The following STPG2 variants were observed in gnomAD, a reference collection of about 807,000 sequenced individuals.
STPG2 encodes sperm tail PG-rich repeat containing 2, also known as sperm-tail PG-rich repeat-containing protein 2.
In STPG2, 56 loss-of-function variants were observed where a neutral mutation model predicts 54.2. That is an observed-to-expected ratio of 1.03 (90% confidence interval 0.83 to 1.29). STPG2 has a LOEUF of 1.29. Among genes scored for constraint, STPG2 ranks in the 50% most tolerant of loss-of-function variants. The probability of loss-of-function intolerance (pLI) is 0.00; values close to 1 mark genes in which losing one functional copy is unlikely to be tolerated. For synonymous variants in STPG2, 200 were observed against 181.8 expected, an observed-to-expected ratio of 1.10 and a Z score of -0.81; for missense variants, 596 against 544.9, an observed-to-expected ratio of 1.09 and a Z score of -0.93.
At chr4:97,551,569 C>G (rs1307512381) in intron 4 of STPG2, among the ~76,000 whole-genome samples, 2 of 152,178 alleles carry the variant, frequency 1.3e-5, no homozygotes, top group African/African-American at 4.8e-5. Flanking sequence ...TACTTCTCAT[C>G]AACATCATCT....
At chr4:97,639,227 C>T (rs1367158616) in intron 10 of STPG2, among the ~76,000 whole-genome samples, 2 of 151,860 alleles carry the variant, frequency 1.3e-5, no homozygotes, top group African/African-American at 4.8e-5. Flanking sequence ...TCATCATTCT[C>T]AGTAAACTAT....
intron 10 of STPG2, among the ~76,000 whole-genome samples, chr4:97,675,607 C>G (rs987269052): frequency 2.0e-5 from 3 of 151,966 alleles, no homozygotes; most frequent in African/African-American, 7.3e-5. Context: ...TAAGAGAAGG[C>G]TCTCCAGCTG....
chr4:97,498,162 A>G (rs1465636286), intron 4 of STPG2, among the ~76,000 whole-genome samples: 2 of 152,002 alleles, frequency 1.3e-5, no homozygotes, highest in South Asian at 2.1e-4. Context: ...TCTAGTCCCC[A>G]TGAGTCCACT....
chr4:97,523,530 A>C (rs1731223363), intron 4 of STPG2, among the ~76,000 whole-genome samples: 1 of 151,976 alleles, frequency 6.6e-6, no homozygotes, highest in African/African-American at 2.4e-5. Context: ...GTGATTAAAC[A>C]GTTAAAAATT....
At chr4:97,601,999 G>GTTTATTTTA (rs1436086005) in intron 10 of STPG2, among the ~76,000 whole-genome samples, 1 of 151,360 alleles carries the variant, frequency 6.6e-6, no homozygotes, top group African/African-American at 2.4e-5. Context: ...CCCATATTTT[G>GTTTATTTTA]TTGCTATTTA....
intron 7 of STPG2, among the ~76,000 whole-genome samples, chr4:97,945,601 G>A (rs115709165): frequency 0.014 from 2,125 of 151,952 alleles, 19 homozygotes; most frequent in Non-Finnish European, 0.021. Context: ...AGATCAAATC[G>A]TAGATCTATT....
Position 97,654,620 on chromosome 4 carries a change from T to A in STPG2, c.1320+58079A>T, listed in dbSNP as rs570760935. ...CATTTATTTTGTTTATTATTAGTTATCTTCACTAGAACATATGCCACATAA... is the reference window on the plus strand; with the variant it reads ...CATTTATTTTGTTTATTATTAGTTAACTTCACTAGAACATATGCCACATAA... On this transcript the variant is annotated intron_variant, in intron 10 of 10. Coordinates refer to ENST00000295268, the MANE Select transcript of STPG2 (RefSeq NM_174952.3). Among the ~76,000 whole-genome samples the A allele has an allele frequency of 2.0e-5, 3 of 152,254 alleles. No homozygotes were observed. The South Asian group carries it at 6.2e-4, about 32-fold the overall frequency.
At chr4:97,702,933 T>C (rs962374262) in intron 10 of STPG2, among the ~76,000 whole-genome samples, 1 of 152,118 alleles carries the variant, frequency 6.6e-6, no homozygotes, top group Non-Finnish European at 1.5e-5. Flanking sequence ...GAGGTAAGAC[T>C]CTGACTCAGG....
chr4:97,928,682 C>T (rs1316613173), intron 8 of STPG2, among the ~76,000 whole-genome samples: 1 of 151,848 alleles, frequency 6.6e-6, no homozygotes, highest in Non-Finnish European at 1.5e-5. Context: ...TGTACCATTA[C>T]AAGTTTAATA....
rs1338291108 is a variant in STPG2 at position 97,653,390 on chromosome 4, A to T, written c.1320+59309T>A. On this transcript the variant is annotated intron_variant, in intron 10 of 10. Coordinates refer to ENST00000295268, the MANE Select transcript of STPG2 (RefSeq NM_174952.3). ...AACAAATAGCTATCAATATGGAAGA[A>T]AAAAAAAAACCTTGAAACTCTACGT... Among the ~76,000 whole-genome samples the T allele has an allele frequency of 3.0e-5, 4 of 133,900 alleles. No individual in the cohort carries two copies. In the East Asian group the frequency reaches 9.9e-4, roughly 33 times the overall value. 87.8% of individuals were successfully genotyped at this position (133,900 alleles called of 152,430 possible).
chr4:97,905,259 C>T (rs967476339), intron 8 of STPG2, among the ~76,000 whole-genome samples: 2 of 152,090 alleles, frequency 1.3e-5, no homozygotes, highest in African/African-American at 2.4e-5. Context: ...GCGGATGTCT[C>T]GGCAGAAACT....
In STPG2 at chr4:97,601,173, T is replaced by C. The variant is rs550335242; in HGVS notation, c.1321-42056A>G. The stretch of plus-strand genomic sequence containing the variant: ...TCGTATTTATTTGTGCTTTTGTTTT[T>C]GCTTGCTTTTCCATTAAGTGTACCA... On this transcript the variant is annotated intron_variant, in intron 10 of 10. Transcript: ENST00000295268. Among the ~76,000 whole-genome samples, 8 of 152,186 alleles carry C rather than the reference T, an allele frequency of 5.3e-5. No individual in the cohort carries two copies. The South Asian group carries it at 1.4e-3, about 28-fold the overall frequency.
intron 5 of STPG2, among the ~76,000 whole-genome samples, chr4:98,006,705 A>G (rs1236668632): frequency 6.6e-6 from 1 of 152,128 alleles, no homozygotes; most frequent in African/African-American, 2.4e-5. Context: ...ACAAGCTCTG[A>G]TTTTACCTAG....
At chr4:97,550,989 A>G (rs911107696) in intron 4 of STPG2, among the ~76,000 whole-genome samples, 1 of 151,100 alleles carries the variant, frequency 6.6e-6, no homozygotes, top group Admixed American at 6.6e-5. Flanking sequence ...AGAAGGAAAG[A>G]ACAAACCTTC....
intron 4 of STPG2, among the ~76,000 whole-genome samples, chr4:97,551,768 C>A (rs1354245678): frequency 6.6e-6 from 1 of 152,154 alleles, no homozygotes; most frequent in Non-Finnish European, 1.5e-5. Flanking sequence ...ATTATTGCTA[C>A]AAAAATATTT....
rs531774825 is a variant in STPG2, at chr4:97,921,538, T to C, written c.1044+22359A>G. Among the ~76,000 whole-genome samples, 9 of 151,456 alleles carry C rather than the reference T, an allele frequency of 5.9e-5. No homozygotes were observed. The East Asian group carries it at 1.2e-3, about 20-fold the overall frequency. ...TCCACAGAGAGCTCCAATAGTACACTAAATCAAGCAGAAGAAAGAATTAGT... is the reference window on the plus strand; with the variant it reads ...TCCACAGAGAGCTCCAATAGTACACCAAATCAAGCAGAAGAAAGAATTAGT... On this transcript the variant is annotated intron_variant, in intron 8 of 10. Transcript: ENST00000295268.
At chr4:97,656,182 C>T (rs1415796261) in intron 10 of STPG2, among the ~76,000 whole-genome samples, 2 of 152,100 alleles carry the variant, frequency 1.3e-5, no homozygotes, top group Non-Finnish European at 2.9e-5. Flanking sequence ...ACATGGGTAT[C>T]TCAGTAACTT....
At chr4:98,092,134 CTAAA>C (rs1738713452) in intron 5 of STPG2, among the ~76,000 whole-genome samples, 1 of 152,024 alleles carries the variant, frequency 6.6e-6, no homozygotes, top group Non-Finnish European at 1.5e-5. Context: ...TAAGCAATAA[CTAAA>C]TATTTTCAAT....
intron 4 of STPG2, among the ~76,000 whole-genome samples, chr4:97,479,809 T>G (rs2148820121): frequency 6.6e-6 from 1 of 151,982 alleles, no homozygotes; most frequent in Admixed American, 6.6e-5. Flanking sequence ...TGTCTTCAGC[T>G]ATTGAACAAC....
Sources: allele counts gnomAD v4.1 joint callset (sites outside exome capture counted in the v4.1 genomes callset), GRCh38; gene constraint gnomAD v4.1.1; transcripts MANE v1.5; gene names NCBI Gene and HGNC (gene_info 2026-07-23, HGNC 2026-07-21).